HCN1: variants seen among roughly 807,000 people sequenced by gnomAD.
HCN1 encodes potassium/sodium hyperpolarization-activated cyclic nucleotide-gated channel 1.
In HCN1, 13 loss-of-function variants were observed where a neutral mutation model predicts 78.9. The ratio of observed to expected loss-of-function variants is 0.16; its 90% CI spans 0.11 to 0.26. The LOEUF is 0.26. Ranked by LOEUF, HCN1 falls within the 10% of genes least tolerant of loss-of-function variation. HCN1 has a pLI of 1.00. For missense variants in HCN1, 810 were observed against 1,154.3 expected (o/e 0.70, Z 4.32); for synonymous variants, 552 against 455.5 (o/e 1.21, Z -2.70).
intron 2 of HCN1, among the ~76,000 whole-genome samples, chr5:45,485,261 C>A (rs1272674207): frequency 6.6e-6 from 1 of 152,182 alleles, no homozygotes; most frequent in Non-Finnish European, 1.5e-5. Context: ...ATATCTTCCA[C>A]ACATGCCTCA....
intron 1 of HCN1, among the ~76,000 whole-genome samples, chr5:45,657,708 G>A (rs1453483510): frequency 6.6e-6 from 1 of 152,064 alleles, no homozygotes; most frequent in Non-Finnish European, 1.5e-5. Flanking sequence ...TCTTTAAGGA[G>A]AACTACAAAC....
At chr5:45,514,591 C>T (rs1024520828) in intron 2 of HCN1, among the ~76,000 whole-genome samples, 10 of 152,004 alleles carry the variant, frequency 6.6e-5, no homozygotes, top group East Asian at 5.8e-4. Flanking sequence ...GTTCTTTATC[C>T]GAAAACCAAC....
At chr5:45,339,756 A>C (rs1485826763) in intron 5 of HCN1, among the ~76,000 whole-genome samples, 2 of 152,184 alleles carry the variant, frequency 1.3e-5, no homozygotes, top group Admixed American at 1.3e-4. Flanking sequence ...TATATAAAGA[A>C]AAAATATTAG....
At position 45,332,592 on chromosome 5, in the gene HCN1, T is replaced by C. The variant is rs141221952; in HGVS notation, c.1377+20508A>G. ...AAGTGAAAACATTTTTTTCTAACTA[T>C]CATTTTTGTACCCAGTAAGCATCCC... On this transcript the variant is annotated intron_variant, in intron 5 of 7. Coordinates refer to ENST00000303230, the MANE Select transcript of HCN1 (RefSeq NM_021072.4). Among the ~76,000 whole-genome samples the C allele has an allele frequency of 1.9e-3, 281 of 151,570 alleles. 1 individual carries two copies. Among genetic ancestry groups the C allele is most frequent in the Non-Finnish European group, 3.6e-3 (241 of 67,642 alleles).
Position 45,496,875 on chromosome 5 carries a change from T to C in HCN1, c.850-34868A>G, listed in dbSNP as rs1742046148. Among the ~76,000 whole-genome samples, 3 of 152,208 alleles carry C rather than the reference T, an allele frequency of 2.0e-5. 1 individual carries two copies. In the South Asian group the frequency reaches 6.2e-4, roughly 31 times the overall value. On this transcript the variant is annotated intron_variant, in intron 2 of 7. Transcript: ENST00000303230. ...ATTTCCCTCTACACACTGCTTTGAA[T>C]GTGTCCCAGAGATTCTGGTATACTC...
intron 1 of HCN1, among the ~76,000 whole-genome samples, chr5:45,653,712 T>C (rs963329749): frequency 3.3e-5 from 5 of 152,050 alleles, no homozygotes; most frequent in African/African-American, 9.7e-5. Context: ...TAGGTGGGAT[T>C]TGAACAATGA....
At chr5:45,591,535 C>A (rs773171670) in intron 2 of HCN1, among the ~76,000 whole-genome samples, 43 of 152,110 alleles carry the variant, frequency 2.8e-4, no homozygotes, top group Non-Finnish European at 4.7e-4. Flanking sequence ...CATGAAGCAT[C>A]TTTTTCATAT....
chr5:45,324,756 G>T (rs1008987494), intron 5 of HCN1, among the ~76,000 whole-genome samples: 4 of 151,686 alleles, frequency 2.6e-5, no homozygotes, highest in African/African-American at 4.8e-5. Flanking sequence ...AGTTAATTTT[G>T]AGAAATGTCA....
rs140176035 is a variant in HCN1 at position 45,316,100 on chromosome 5, G to A, written c.1378-12261C>T. ...ATCATCCTGATACCAAAGTCTGGCA[G>A]AGACACAACAAAAAGAGAATTTTAG... On this transcript the variant is annotated intron_variant, in intron 5 of 7. Transcript: ENST00000303230. Among the ~76,000 whole-genome samples, 425 of 152,268 alleles carry A rather than the reference G, an allele frequency of 2.8e-3. 2 individuals are homozygous for A. Among genetic ancestry groups the A allele is most frequent in the African/African-American group, 9.7e-3 (403 of 41,544 alleles).
intron 2 of HCN1, among the ~76,000 whole-genome samples, chr5:45,637,464 G>C (rs1469074310): frequency 6.6e-6 from 1 of 151,678 alleles, no homozygotes; most frequent in African/African-American, 2.4e-5. Context: ...GAAGATGCAG[G>C]AAAGCTATGA....
At chr5:45,667,309 G>C (rs763671986) in intron 1 of HCN1, among the ~76,000 whole-genome samples, 4 of 151,950 alleles carry the variant, frequency 2.6e-5, no homozygotes, top group Non-Finnish European at 5.9e-5. Flanking sequence ...CTGGTGGGTA[G>C]AAGCTCCCAG....
intron 4 of HCN1, among the ~76,000 whole-genome samples, chr5:45,363,381 T>A (rs576944349): frequency 8.6e-5 from 13 of 151,400 alleles, no homozygotes; most frequent in African/African-American, 3.1e-4. Flanking sequence ...GAGGTGTAGG[T>A]TACACCACAT....
intron 3 of HCN1, among the ~76,000 whole-genome samples, chr5:45,451,227 C>T (rs1408319235): frequency 1.3e-5 from 2 of 151,976 alleles, no homozygotes; most frequent in Middle Eastern, 3.4e-3. Flanking sequence ...TTAACATGAT[C>T]CTTTGTATAA....
At chr5:45,429,739 A>G (rs1740425340) in intron 3 of HCN1, among the ~76,000 whole-genome samples, 2 of 152,208 alleles carry the variant, frequency 1.3e-5, no homozygotes, top group Non-Finnish European at 2.9e-5. Context: ...AGGCTGGCAG[A>G]TAGGTCATCG....
chr5:45,401,962 G>A (rs1264694007), intron 3 of HCN1, among the ~76,000 whole-genome samples: 1 of 152,066 alleles, frequency 6.6e-6, no homozygotes, highest in Non-Finnish European at 1.5e-5. Context: ...GAACTACTGT[G>A]TGAGGGAATT....
chr5:45,299,517 T>C (rs978146782), intron 6 of HCN1, among the ~76,000 whole-genome samples: 1 of 151,972 alleles, frequency 6.6e-6, no homozygotes, highest in South Asian at 2.1e-4. Context: ...CACTCAATTA[T>C]ATGAGAAAAT....
intron 3 of HCN1, among the ~76,000 whole-genome samples, chr5:45,412,129 G>C (rs1049332225): frequency 5.3e-5 from 8 of 152,096 alleles, no homozygotes; most frequent in African/African-American, 1.7e-4. Flanking sequence ...GTTCAGGAAA[G>C]GAAGTAAACA....
In HCN1 at chr5:45,593,336, TCTCTCACA is replaced by T. The variant is rs1399918383; in HGVS notation, c.849+51841_849+51848del. Among the ~76,000 whole-genome samples, 463 of 136,370 alleles carry T rather than the reference TCTCTCACA, an allele frequency of 3.4e-3. 1 individual carries two copies. Among genetic ancestry groups the T allele is most frequent in the Non-Finnish European group, 5.0e-3 (318 of 64,030 alleles). The allele number at this position is 136,370 out of a possible 152,430, so 89.5% of individuals were successfully genotyped here. A position where few individuals can be genotyped will look rare whatever the true frequency, so the allele number is the denominator to read the frequency against. ...CTCTCTCTCTCCCTCTCTCTCTCTC[TCTCTCACA>T]CACACACACACACACACACACACAC... On this transcript the variant is annotated intron_variant, in intron 2 of 7. Coordinates refer to ENST00000303230, the MANE Select transcript of HCN1 (RefSeq NM_021072.4).
intron 1 of HCN1, among the ~76,000 whole-genome samples, chr5:45,686,898 A>G (rs954954594): frequency 3.3e-5 from 5 of 152,070 alleles, no homozygotes; most frequent in African/African-American, 1.2e-4. Context: ...GTTAGAGCCC[A>G]TTTCCTAGCT....
Sources: allele counts gnomAD v4.1 joint callset (sites outside exome capture counted in the v4.1 genomes callset), GRCh38; gene constraint gnomAD v4.1.1; transcripts MANE v1.5; gene names NCBI Gene and HGNC (gene_info 2026-07-23, HGNC 2026-07-21).